CHMP2B: variants seen among roughly 807,000 people sequenced by gnomAD.
The protein encoded by CHMP2B is VPS2 homolog B.
In CHMP2B, 22 loss-of-function variants were observed where a neutral mutation model predicts 29.8. That is an observed-to-expected ratio of 0.74 (90% CI 0.53 to 1.05). The LOEUF is 1.05. Ranked by LOEUF, CHMP2B falls within the 50% of genes least tolerant of loss-of-function variation. The probability of loss-of-function intolerance (pLI) is 0.00; values close to 1 mark genes in which losing one functional copy is unlikely to be tolerated. For synonymous variants in CHMP2B, 78 were observed against 75.8 expected (o/e 1.03, Z -0.15); for missense variants, 261 against 252.2 (o/e 1.03, Z -0.24).
intron 2 of CHMP2B, among the ~76,000 whole-genome samples, chr3:87,244,455 C>G (rs1046105751): frequency 6.6e-6 from 1 of 150,928 alleles, no homozygotes; most frequent in Non-Finnish European, 1.5e-5. Flanking sequence ...CATTTTTTTT[C>G]AAATACAAAC....
chr3:87,240,818 A>G (rs1232013718), intron 2 of CHMP2B, 28 bp downstream of exon 2: 7 of 1,555,342 alleles, frequency 4.5e-6, no homozygotes, highest in Non-Finnish European at 6.2e-6. Flanking sequence ...TTTCAGTTTA[A>G]CTTTTCAAAC....
At chr3:87,239,336 A>G (rs566335935) in intron 1 of CHMP2B, among the ~76,000 whole-genome samples, 1 of 152,218 alleles carries the variant, frequency 6.6e-6, no homozygotes, top group African/African-American at 2.4e-5. Flanking sequence ...TTAAGAATGT[A>G]ATGCCAAATC....
intron 4 of CHMP2B, among the ~76,000 whole-genome samples, chr3:87,251,955 C>A (rs965287706): frequency 6.6e-6 from 1 of 151,618 alleles, no homozygotes; most frequent in Non-Finnish European, 1.5e-5. Context: ...TAACATACCG[C>A]GAAATTATTT....
intron 3 of CHMP2B, 142 bp from the exon 4 acceptor site, chr3:87,249,733 A>T: frequency 1.9e-6 from 1 of 524,020 alleles, no homozygotes; most frequent in Non-Finnish European, 3.5e-6. Flanking sequence ...TTTCTAGAAT[A>T]TTTAACAGTC....
intron 5 of CHMP2B, 28 bp from the exon 6 acceptor site, chr3:87,253,684 C>T (rs764017900): frequency 1.3e-5 from 21 of 1,578,598 alleles, no homozygotes; most frequent in South Asian, 2.2e-5. Context: ...TCCTAATGCA[C>T]GTTTGTCTTT....
At chr3:87,238,301 C>T (rs965156590) in intron 1 of CHMP2B, among the ~76,000 whole-genome samples, 1 of 152,084 alleles carries the variant, frequency 6.6e-6, no homozygotes, top group Non-Finnish European at 1.5e-5. Context: ...TGGTGTGTTA[C>T]CACTACCTGT....
chr3:87,250,317 C>CT (rs1340407101), intron 4 of CHMP2B, among the ~76,000 whole-genome samples: 1 of 151,828 alleles, frequency 6.6e-6, no homozygotes, highest in Non-Finnish European at 1.5e-5. Context: ...TAATGGAGCT[C>CT]TTTTTTTGTT....
chr3:87,248,372 A>T (rs1706253777), intron 3 of CHMP2B, among the ~76,000 whole-genome samples: 1 of 150,056 alleles, frequency 6.7e-6, no homozygotes, highest in Non-Finnish European at 1.5e-5. Context: ...TGAGTGTCTG[A>T]TTTTTGAGAC....
At chr3:87,238,799 T>A (rs1189087728) in intron 1 of CHMP2B, among the ~76,000 whole-genome samples, 1 of 152,194 alleles carries the variant, frequency 6.6e-6, no homozygotes, top group African/African-American at 2.4e-5. Flanking sequence ...ATTTCACTTC[T>A]TTCGATCTAA....
intron 1 of CHMP2B, among the ~76,000 whole-genome samples, chr3:87,235,676 T>C (rs1705994137): frequency 6.6e-6 from 1 of 152,244 alleles, no homozygotes; most frequent in Non-Finnish European, 1.5e-5. Flanking sequence ...TACTTGTTTT[T>C]CAGTAAAGAT....
At chr3:87,229,082 AT>A (rs910162185) in intron 1 of CHMP2B, among the ~76,000 whole-genome samples, 2 of 151,352 alleles carry the variant, frequency 1.3e-5, no homozygotes, top group African/African-American at 2.4e-5. Flanking sequence ...ATTAGAGTTA[AT>A]TTTTTTTTAA....
At position 87,253,840 on chromosome 3, in the gene CHMP2B, A is replaced by G. The variant is rs376791079; in HGVS notation, c.*18A>G. ...TAGATTAGTCAAAAGAAGTCATACT[A>G]TTTTGCTTACTTATAATTATGTAGT... On this transcript the variant is annotated 3_prime_UTR_variant, in exon 6 of 6. Transcript: ENST00000263780. 8.3e-6 allele frequency: 13 copies of G among 1,561,922 alleles called. No individual in the cohort carries two copies. Among genetic ancestry groups the G allele is most frequent in the South Asian group, 3.3e-5 (3 of 89,950 alleles).
At chr3:87,234,155 A>G (rs997375404) in intron 1 of CHMP2B, among the ~76,000 whole-genome samples, 2 of 152,312 alleles carry the variant, frequency 1.3e-5, no homozygotes, top group South Asian at 2.1e-4. Flanking sequence ...TTATCCTCAA[A>G]TGTACAAATT....
intron 1 of CHMP2B, among the ~76,000 whole-genome samples, chr3:87,236,614 G>A (rs1444213145): frequency 6.6e-6 from 1 of 152,054 alleles, no homozygotes; most frequent in Non-Finnish European, 1.5e-5. Context: ...CACTTTGGGA[G>A]GCCGAGGCGG....
At chr3:87,238,771 G>C (rs1706063284) in intron 1 of CHMP2B, among the ~76,000 whole-genome samples, 1 of 152,112 alleles carries the variant, frequency 6.6e-6, no homozygotes, top group South Asian at 2.1e-4. Context: ...TCATGTAGAA[G>C]TATTTGTTTG....
At chr3:87,247,636 C>G (rs1468239551) in intron 3 of CHMP2B, among the ~76,000 whole-genome samples, 1 of 152,144 alleles carries the variant, frequency 6.6e-6, no homozygotes, top group African/African-American at 2.4e-5. Flanking sequence ...TGCAGGTATT[C>G]ATTTGAGGTT....
Position 87,240,800 on chromosome 3 carries a change from A to G in CHMP2B, c.126+10A>G, listed in dbSNP as rs1211045482. ...ACAAGAAAAACAGCTGGTAAGTAGA[A>G]CGTTAAATTTCAGTTTAACTTTTCA... On this transcript the variant is annotated intron_variant, in intron 2 of 5. Coordinates refer to ENST00000263780, the MANE Select transcript of CHMP2B (RefSeq NM_014043.4). The G allele has an allele frequency of 6.2e-7, 1 of 1,602,448 alleles. No individual in the cohort carries two copies. Among genetic ancestry groups the G allele is most frequent in the Non-Finnish European group, 8.6e-7 (1 of 1,169,512 alleles).
At chr3:87,253,166 A>G in intron 4 of CHMP2B, 1 of 399,148 alleles carries the variant, frequency 2.5e-6, no homozygotes, top group Non-Finnish European at 4.6e-6. Context: ...TTTTTAAAAA[A>G]GAGTAGACTT....
At chr3:87,240,841 T>C in intron 2 of CHMP2B, 51 bp downstream of exon 2, 1 of 1,380,574 alleles carries the variant, frequency 7.2e-7, no homozygotes, top group South Asian at 1.2e-5. Flanking sequence ...ATTTGGAAAT[T>C]ACTGTAGGAA....
Sources: allele counts gnomAD v4.1 joint callset (sites outside exome capture counted in the v4.1 genomes callset), GRCh38; gene constraint gnomAD v4.1.1; transcripts MANE v1.5; gene names NCBI Gene and HGNC (gene_info 2026-07-23, HGNC 2026-07-21).